COPG2: variants seen among roughly 807,000 people sequenced by gnomAD.
The protein encoded by COPG2 is coat protein complex I subunit gamma 2.
In COPG2, 37 loss-of-function variants were observed where a neutral mutation model predicts 46.3. That is an observed-to-expected ratio of 0.80 (90% CI 0.61 to 1.05). COPG2 has a LOEUF of 1.05. Ranked by LOEUF, COPG2 falls within the 50% of genes least tolerant of loss-of-function variation. The pLI, the probability that COPG2 is intolerant of heterozygous loss-of-function variation, is 0.00. For synonymous variants in COPG2, 159 were observed against 129.7 expected (o/e 1.23, Z -1.53); for missense variants, 427 against 387.8 (o/e 1.10, Z -0.85).
chr7:130,611,183 C>T, intron 8 of COPG2, 73 bp from the exon 9 acceptor site: 1 of 1,362,330 alleles, frequency 7.3e-7, no homozygotes, highest in Non-Finnish European at 1.0e-6. Context: ...AATAGAATTA[C>T]ACGGAACTAG....
At chr7:130,535,543 G>A (rs1182704275) in intron 20 of COPG2, among the ~76,000 whole-genome samples, 1 of 151,672 alleles carries the variant, frequency 6.6e-6, no homozygotes, top group Non-Finnish European at 1.5e-5. Flanking sequence ...GCAATGGGCA[G>A]GAAGGAATGG....
intron 5 of COPG2, among the ~76,000 whole-genome samples, chr7:130,639,847 G>A (rs1327204504): frequency 6.6e-6 from 1 of 152,090 alleles, no homozygotes; most frequent in Non-Finnish European, 1.5e-5. Context: ...CAGAAATATG[G>A]GGTTCTCTCA....
chr7:130,512,321 A>C (rs1376187207), intron 20 of COPG2, among the ~76,000 whole-genome samples: 9 of 151,940 alleles, frequency 5.9e-5, no homozygotes, highest in African/African-American at 2.2e-4. Context: ...TAAAAAAAAA[A>C]AACAAAAAAC....
chr7:130,645,547 G>T, intron 5 of COPG2: 1 of 199,938 alleles, frequency 5.0e-6, no homozygotes, highest in Non-Finnish European at 1.0e-5. Flanking sequence ...CCACTGCCTT[G>T]GAGGTGAAGC....
chr7:130,609,007 G>T (rs375222132), intron 9 of COPG2, among the ~76,000 whole-genome samples: 5 of 152,032 alleles, frequency 3.3e-5, no homozygotes, highest in African/African-American at 4.8e-5. Flanking sequence ...CTCCTGAGTA[G>T]CTGGGACCAC....
At chr7:130,631,522 T>C (rs970881785) in intron 5 of COPG2, among the ~76,000 whole-genome samples, 1 of 152,220 alleles carries the variant, frequency 6.6e-6, no homozygotes, top group Admixed American at 6.5e-5. Flanking sequence ...GTTATGATTC[T>C]ATTTAACTCT....
At chr7:130,539,879 A>C (rs1659989486) in intron 20 of COPG2, among the ~76,000 whole-genome samples, 1 of 152,212 alleles carries the variant, frequency 6.6e-6, no homozygotes, top group African/African-American at 2.4e-5. Flanking sequence ...TGGAGTGCTC[A>C]GGGCAGCCTG....
At position 130,666,866 on chromosome 7, in the gene COPG2, G is replaced by C. The variant is rs1270401931; in HGVS notation, c.154C>G (p.Leu52Val). The C allele has an allele frequency of 5.3e-6, 8 of 1,519,908 alleles. No homozygotes were observed. The highest frequency in any genetic ancestry group is 3.5e-5 in the Admixed American group (2 of 56,460). The allele number at this position is 1,519,908 out of a possible 1,614,324, so 94.2% of individuals were successfully genotyped here. ...RRCLHILTKI[L>V]YLLNQGEHFG... ...TAATATACCTGGTTCAGTAAGTAAA[G>C]AATCTTTGTAAGAATATGCAAACAT... Residue 52 changes from leucine (L) to valine (V), a missense_variant, in exon 3 of 24, where the codon CTT becomes GTT. Physicochemically the swap from Leu to Val is conservative, Grantham distance 32. Transcript: ENST00000425248.
intron 9 of COPG2, among the ~76,000 whole-genome samples, chr7:130,603,407 T>C (rs1418927667): frequency 1.3e-5 from 2 of 152,166 alleles, no homozygotes; most frequent in East Asian, 1.9e-4. Flanking sequence ...CTGGCACTGA[T>C]AGACATTTGG....
Position 130,652,944 on chromosome 7 carries a change from G to A in COPG2, c.248C>T (p.Thr83Ile), listed in dbSNP as rs1554459335. The change falls in exon 5 of 24, where the codon ACA becomes ATA. Residue 83 changes from threonine to isoleucine, a missense_variant. By Grantham distance (89) the Thr-to-Ile change is moderately conservative. Coordinates refer to ENST00000425248, the MANE Select transcript of COPG2 (RefSeq NM_012133.6). ...MTRLFQSNDQ[T>I]LRRMCYLTIK... ...GGTAAGGTAGCACATTCTCCTCAAT[G>A]TTTGCTGAAAAATCATTTATAAAAG... 1 of 1,593,764 alleles carries A rather than the reference G, an allele frequency of 6.3e-7. No individual in the cohort carries two copies. Among genetic ancestry groups the A allele is most frequent in the Non-Finnish European group, 8.6e-7 (1 of 1,166,716 alleles).
intron 9 of COPG2, chr7:130,602,921 A>G (rs1794664286): frequency 6.6e-6 from 1 of 152,000 alleles, no homozygotes. Context: ...AACTAATACC[A>G]CCTTCTACAC....
At position 130,611,075 on chromosome 7, in the gene COPG2, C is replaced by A. The variant is rs1554452011; in HGVS notation, c.615G>T (p.Lys205Asn). ...TCTTGGAAACAGCAAGTCGATCATT[C>A]TTTCTAAGGTGATACAGGACTCCCA... ...HALGVLYHLR[K>N]NDRLAVSKML... The change falls in exon 9 of 24, where the codon AAG (lysine) becomes AAT (asparagine). Residue 205 changes from lysine (K) to asparagine (N), a missense_variant. Transcript: ENST00000425248. 2 of 1,613,608 alleles carry A rather than the reference C, an allele frequency of 1.2e-6. No homozygotes were observed. The highest frequency in any genetic ancestry group is 2.2e-5 in the East Asian group (1 of 44,876).
chr7:130,536,535 G>T (rs887434653), intron 20 of COPG2, among the ~76,000 whole-genome samples: 3 of 152,230 alleles, frequency 2.0e-5, no homozygotes, highest in Non-Finnish European at 4.4e-5. Context: ...CAGCCCAAAA[G>T]ATGCTTCTGA....
intron 20 of COPG2, among the ~76,000 whole-genome samples, chr7:130,538,681 G>A (rs957478908): frequency 1.8e-4 from 10 of 56,752 alleles, no homozygotes; most frequent in Non-Finnish European, 3.3e-4. Context: ...GGGGGCTGGG[G>A]GCCTGGGAGG....
chr7:130,539,738 G>A (rs1219535644), intron 20 of COPG2, among the ~76,000 whole-genome samples: 1 of 152,176 alleles, frequency 6.6e-6, no homozygotes, highest in Non-Finnish European at 1.5e-5. Flanking sequence ...CAGACAGGGT[G>A]GAGGGGCCCC....
chr7:130,609,321 C>T (rs781819866), intron 9 of COPG2, among the ~76,000 whole-genome samples: 2 of 152,174 alleles, frequency 1.3e-5, no homozygotes, highest in Non-Finnish European at 2.9e-5. Context: ...GTTTCCCATG[C>T]TGTTCTCATG....
chr7:130,512,021 C>T (rs536596171), intron 20 of COPG2, among the ~76,000 whole-genome samples: 3 of 145,068 alleles, frequency 2.1e-5, no homozygotes, highest in African/African-American at 7.7e-5. Flanking sequence ...TCAAGACTAG[C>T]CTGGCCAACA....
chr7:130,514,677 T>G (rs1255105854), intron 20 of COPG2, among the ~76,000 whole-genome samples: 4 of 152,140 alleles, frequency 2.6e-5, no homozygotes, highest in African/African-American at 9.7e-5. Context: ...AACATTAAAG[T>G]TGACTCCAGA....
intron 4 of COPG2, among the ~76,000 whole-genome samples, chr7:130,656,483 T>C (rs1466273691): frequency 2.0e-5 from 3 of 152,170 alleles, no homozygotes; most frequent in Non-Finnish European, 4.4e-5. Flanking sequence ...CCTTGAAAGA[T>C]ACAAACTACC....
Sources: allele counts gnomAD v4.1 joint callset (sites outside exome capture counted in the v4.1 genomes callset), GRCh38; gene constraint gnomAD v4.1.1; transcripts MANE v1.5; gene names NCBI Gene and HGNC (gene_info 2026-07-23, HGNC 2026-07-21).